The following CNTLN variants were observed in gnomAD, a reference collection of about 807,000 sequenced individuals.
CNTLN encodes the protein centlein, centrosomal protein.
Under a neutral mutation model 180.0 loss-of-function variants are expected in CNTLN, and 212 were observed. That is an observed-to-expected ratio of 1.18 (90% confidence interval 1.05 to 1.32). The LOEUF is 1.32. Ranked by LOEUF, CNTLN falls within the 40% of genes most tolerant of loss-of-function variation. CNTLN has a pLI of 0.00. For missense variants in CNTLN, 2,095 were observed against 1,610.9 expected, an observed-to-expected ratio of 1.30 and a Z score of -5.14; for synonymous variants, 722 against 563.1, an observed-to-expected ratio of 1.28 and a Z score of -3.99.
chr9:17,234,434 C>T (rs554289926), intron 3 of CNTLN, among the ~76,000 whole-genome samples: 2 of 129,552 alleles, frequency 1.5e-5, no homozygotes, highest in Admixed American at 7.2e-5. Context: ...CATGACAGAG[C>T]GAGACCTGTC....
At chr9:17,188,717 T>A (rs1331326093) in intron 2 of CNTLN, among the ~76,000 whole-genome samples, 3 of 152,190 alleles carry the variant, frequency 2.0e-5, no homozygotes, top group Middle Eastern at 6.4e-3. Context: ...CATATAAGAT[T>A]CTATATTTTT....
chr9:17,304,746 A>G (rs1333016470), intron 7 of CNTLN, among the ~76,000 whole-genome samples: 2 of 152,194 alleles, frequency 1.3e-5, no homozygotes, highest in Admixed American at 1.3e-4. Flanking sequence ...TTAATAAGAA[A>G]AAGTATAACA....
chr9:17,263,255 A>C (rs1827147641), intron 5 of CNTLN, among the ~76,000 whole-genome samples: 1 of 127,012 alleles, frequency 7.9e-6, no homozygotes, highest in African/African-American at 3.2e-5. Context: ...ATGTGATCTC[A>C]TTGTTCAATT....
intron 23 of CNTLN, among the ~76,000 whole-genome samples, chr9:17,476,591 G>C (rs977260455): frequency 3.3e-5 from 5 of 152,194 alleles, no homozygotes; most frequent in African/African-American, 1.2e-4. Context: ...CAGCCTTATT[G>C]CTGATACACA....
At chr9:17,402,239 A>G (rs1827035395) in intron 15 of CNTLN, among the ~76,000 whole-genome samples, 1 of 151,870 alleles carries the variant, frequency 6.6e-6, no homozygotes. Context: ...AATAAACAAA[A>G]CAAATAGGAA....
At chr9:17,413,532 C>G (rs1200186201) in intron 16 of CNTLN, among the ~76,000 whole-genome samples, 1 of 152,082 alleles carries the variant, frequency 6.6e-6, no homozygotes, top group East Asian at 1.9e-4. Context: ...AGTCTCATAG[C>G]TTGAATATGT....
the CNTLN span, among the ~76,000 whole-genome samples, chr9:17,512,858 C>T: frequency 6.6e-6 from 1 of 151,984 alleles, no homozygotes; most frequent in African/African-American, 2.4e-5. Flanking sequence ...GCTCTGTCAC[C>T]CAGGCTGGAG....
At chr9:17,490,568 G>A (rs928814386) in intron 25 of CNTLN, among the ~76,000 whole-genome samples, 10 of 151,978 alleles carry the variant, frequency 6.6e-5, no homozygotes, top group South Asian at 2.1e-4. Context: ...GTTTGTGGTT[G>A]CCAGAGGCTG....
intron 15 of CNTLN, among the ~76,000 whole-genome samples, chr9:17,402,772 C>T (rs571888353): frequency 2.0e-5 from 3 of 151,786 alleles, no homozygotes; most frequent in Admixed American, 2.0e-4. Context: ...AATTGACTTT[C>T]CTGGGTTTCC....
At chr9:17,465,296 G>T (rs1219590947) in intron 21 of CNTLN, among the ~76,000 whole-genome samples, 3 of 150,466 alleles carry the variant, frequency 2.0e-5, no homozygotes, top group Non-Finnish European at 3.0e-5. Flanking sequence ...TTTTACATGA[G>T]CATGACAAAT....
At chr9:17,465,204 C>G (rs1831678324) in intron 21 of CNTLN, among the ~76,000 whole-genome samples, 1 of 149,926 alleles carries the variant, frequency 6.7e-6, no homozygotes, top group African/African-American at 2.4e-5. Flanking sequence ...TTATCCACAC[C>G]TGAGAGAACA....
chr9:17,349,625 C>T (rs544056594), intron 12 of CNTLN, among the ~76,000 whole-genome samples: 107 of 152,216 alleles, frequency 7.0e-4, no homozygotes, highest in African/African-American at 2.5e-3. Flanking sequence ...TTAGTTGCTG[C>T]TATCGCATAG....
chr9:17,346,244 C>T (rs1354453618), intron 12 of CNTLN, among the ~76,000 whole-genome samples: 1 of 152,002 alleles, frequency 6.6e-6, no homozygotes, highest in Non-Finnish European at 1.5e-5. Flanking sequence ...CATGAGAACA[C>T]ACCAGCATGA....
Position 17,381,417 on chromosome 9 carries a change from C to T in CNTLN, c.1988-6745C>T, listed in dbSNP as rs186192840. On this transcript the variant is annotated intron_variant, in intron 13 of 25. Coordinates refer to ENST00000380647, the MANE Select transcript of CNTLN (RefSeq NM_017738.4). ...CTATCAGCATTCTGCACTGACACCTCCTCACTCAGTATAAAATTTATTAAG... is the reference window on the plus strand; with the variant it reads ...CTATCAGCATTCTGCACTGACACCTTCTCACTCAGTATAAAATTTATTAAG... Among the ~76,000 whole-genome samples, 446 of 152,308 alleles carry T rather than the reference C, an allele frequency of 2.9e-3. 4 individuals are homozygous for T. The highest frequency in any genetic ancestry group is 5.3e-3 in the Admixed American group (81 of 15,296).
intron 2 of CNTLN, among the ~76,000 whole-genome samples, chr9:17,206,950 C>G (rs997496205): frequency 6.6e-6 from 1 of 152,216 alleles, no homozygotes; most frequent in Non-Finnish European, 1.5e-5. Context: ...AGCTAGGGTC[C>G]CAGACTGCAC....
the CNTLN span, among the ~76,000 whole-genome samples, chr9:17,519,978 T>C: frequency 6.6e-6 from 1 of 151,978 alleles, no homozygotes; most frequent in Non-Finnish European, 1.5e-5. Flanking sequence ...TCTCAGAGAG[T>C]GCAGGAGAGG....
intron 7 of CNTLN, chr9:17,299,267 A>AAAG (rs757396929): frequency 1.1e-4 from 15 of 142,654 alleles, no homozygotes; most frequent in African/African-American, 4.3e-4. Context: ...AAAAAAAAAA[A>AAAG]CCTTTACTGA....
rs183414893 is a variant in CNTLN at position 17,311,315 on chromosome 9, G to A, written c.1341+2063G>A. 2.1e-3 allele frequency among the ~76,000 whole-genome samples: 319 copies of A among 151,688 alleles called. 1 individual carries two copies. Among genetic ancestry groups the A allele is most frequent in the African/African-American group, 7.3e-3 (302 of 41,430 alleles). ...GCTGGGATTACAGGCATGAGCCACC[G>A]TGCCTGGCCACCTCTTAATTTTAAT... On this transcript the variant is annotated intron_variant, in intron 8 of 25. Transcript: ENST00000380647.
At chr9:17,237,174 A>T (rs1395667262) in intron 5 of CNTLN, among the ~76,000 whole-genome samples, 3 of 151,972 alleles carry the variant, frequency 2.0e-5, no homozygotes, top group African/African-American at 7.2e-5. Flanking sequence ...GGTTTCTTAC[A>T]ATTTTATTAG....
Sources: allele counts gnomAD v4.1 joint callset (sites outside exome capture counted in the v4.1 genomes callset), GRCh38; gene constraint gnomAD v4.1.1; transcripts MANE v1.5; gene names NCBI Gene and HGNC (gene_info 2026-07-23, HGNC 2026-07-21).